The following ZFYVE26 variants were observed in gnomAD, a reference collection of about 807,000 sequenced individuals.
ZFYVE26 encodes the protein zinc finger FYVE-type containing 26.
Under a neutral mutation model 276.5 loss-of-function variants are expected in ZFYVE26, and 181 were observed. The observed-to-expected ratio is 0.65, with a 90% confidence interval of 0.58 to 0.74. ZFYVE26 has a LOEUF of 0.74. ZFYVE26 is among the 30% of genes least tolerant of loss of function. The pLI, the probability that ZFYVE26 is intolerant of heterozygous loss-of-function variation, is 0.00. For synonymous variants in ZFYVE26, 1,129 were observed against 1,203.1 expected (o/e 0.94, Z 1.27); for missense variants, 2,821 against 3,097.9 (o/e 0.91, Z 2.12).
At position 67,759,589 on chromosome 14, in the gene ZFYVE26, G is replaced by A. The variant is rs140338417; in HGVS notation, c.6588+1777C>T. On this transcript the variant is annotated intron_variant, in intron 35 of 41. Transcript: ENST00000347230. ...TAGTGAGCTGAGATCTCACCACCGC[G>A]CTCCAGCCTGGCAACAGAGCAAGAC... Among the ~76,000 whole-genome samples, 8 of 126,298 alleles carry A rather than the reference G, an allele frequency of 6.3e-5. No individual in the cohort carries two copies. The East Asian group carries it at 1.9e-3, about 30-fold the overall frequency. 82.9% of individuals were successfully genotyped at this position (126,298 alleles called of 152,430 possible).
At chr14:67,776,457 T>C (rs2039346639) in intron 25 of ZFYVE26, among the ~76,000 whole-genome samples, 1 of 152,210 alleles carries the variant, frequency 6.6e-6, no homozygotes, top group Non-Finnish European at 1.5e-5. Flanking sequence ...TGCACGTGTG[T>C]TCCAATAACA....
At chr14:67,744,063 T>C (rs980763389), downstream of ZFYVE26, among the ~76,000 whole-genome samples, 2 of 152,184 alleles carry the variant, frequency 1.3e-5, no homozygotes, top group South Asian at 2.1e-4. Context: ...ATTTCAAGGA[T>C]AGGTCAGTCA....
downstream of ZFYVE26, among the ~76,000 whole-genome samples, chr14:67,743,881 C>T (rs2038449539): frequency 6.6e-6 from 1 of 152,074 alleles, no homozygotes; most frequent in Non-Finnish European, 1.5e-5. Flanking sequence ...CGATGCAGGA[C>T]TGAGGGAAGA....
intron 31 of ZFYVE26, 56 bp downstream of exon 31, chr14:67,767,648 A>C: frequency 1.2e-6 from 2 of 1,612,800 alleles, no homozygotes; most frequent in Non-Finnish European, 1.7e-6. Context: ...ATTTCTTGTC[A>C]TACTGCTACA....
At chr14:67,733,902 G>T in intron 13 of ZFYVE26, 1 of 1,373,824 alleles carries the variant, frequency 7.3e-7, no homozygotes, top group South Asian at 1.2e-5. Context: ...AATGAACAGG[G>T]ACCAAGGAGA....
At chr14:67,777,514 C>T in intron 25 of ZFYVE26, 45 bp downstream of exon 25, 2 of 1,595,362 alleles carry the variant, frequency 1.3e-6, no homozygotes, top group Non-Finnish European at 1.7e-6. Context: ...TCCTCCTTAC[C>T]TTGGATCCCA....
rs532292359 is a variant in ZFYVE26, at chr14:67,805,466, C to T, written c.1170G>A (p.Leu390=). 2.2e-4 allele frequency: 355 copies of T among 1,614,222 alleles called. 6 individuals carry two copies. The South Asian group carries it at 3.7e-3, about 17-fold the overall frequency. The change falls in exon 7 of 42, where the codon CTG becomes CTA. Residue 390 remains leucine, a synonymous_variant. Coordinates refer to ENST00000347230, the MANE Select transcript of ZFYVE26 (RefSeq NM_015346.4). The part of the protein sequence containing the change: ...LESAKRLLQT[L]HRTQGPGCDE... Reference sequence around the variant, plus strand: ...GAGTGAGAGTTACCTGGGTCCTGTGCAGGGTCTGGAGCAGCCTCTTGGCTG... The same window carrying T: ...GAGTGAGAGTTACCTGGGTCCTGTGTAGGGTCTGGAGCAGCCTCTTGGCTG...
In ZFYVE26 at chr14:67,786,013, T is replaced by C; in HGVS notation, c.3149A>G (p.Glu1050Gly). ...CCGTGGAGGGCCTCCTCCCTTTTCT[T>C]CCACACTCTCTATGGAAAGCAAATG... ...SASQTKSESVEEKGGGPPRCS... is the reference protein window; with the variant it reads ...SASQTKSESVGEKGGGPPRCS... Residue 1050 changes from glutamate to glycine, a missense_variant, in exon 18 of 42, where the codon GAA becomes GGA. Glu to Gly is a moderately conservative substitution (Grantham distance 98). Coordinates refer to ENST00000347230, the MANE Select transcript of ZFYVE26 (RefSeq NM_015346.4). 6.2e-7 allele frequency: 1 copy of C among 1,614,122 alleles called. No homozygotes were observed. Among genetic ancestry groups the C allele is most frequent in the East Asian group, 2.2e-5 (1 of 44,874 alleles).
intron 9 of ZFYVE26, among the ~76,000 whole-genome samples, chr14:67,803,646 G>GC (rs2040121782): frequency 6.6e-6 from 1 of 151,626 alleles, no homozygotes; most frequent in South Asian, 2.1e-4. Flanking sequence ...CCCAGCCCAG[G>GC]CAAGTCTTTC....
intron 28 of ZFYVE26, among the ~76,000 whole-genome samples, chr14:67,771,690 C>T (rs1237658782): frequency 1.3e-5 from 2 of 152,240 alleles, no homozygotes; most frequent in South Asian, 2.1e-4. Context: ...CCCAGGCCCT[C>T]TGTCTCCTGA....
In ZFYVE26 at chr14:67,797,729, G is replaced by A. The variant is rs777373975; in HGVS notation, c.2275C>T (p.Pro759Ser). ...SEEQPSRRYQ[P>S]ATRHPSLRRG... ...CGGAGACTGGGGTGACGTGTGGCAG[G>A]CTGGTATCTTCGGGAAGGTTGCTCC... Residue 759 changes from proline (P) to serine (S), a missense_variant, in exon 12 of 42, where the codon CCT (proline) becomes TCT (serine). By Grantham distance (74) the Pro-to-Ser change is moderately conservative (BLOSUM62 -1). Coordinates refer to ENST00000347230, the MANE Select transcript of ZFYVE26 (RefSeq NM_015346.4). The A allele has an allele frequency of 1.2e-6, 2 of 1,614,156 alleles. No individual in the cohort carries two copies. Among genetic ancestry groups the A allele is most frequent in the Admixed American group, 1.7e-5 (1 of 60,028 alleles).
At chr14:67,750,809 A>C in intron 41 of ZFYVE26, 1 of 599,790 alleles carries the variant, frequency 1.7e-6, no homozygotes, top group Non-Finnish European at 3.0e-6. Context: ...GCAGCCTAGG[A>C]CATGTTTGTC....
chr14:67,794,094 C>CT, intron 13 of ZFYVE26, 77 bp downstream of exon 13: 2 of 1,492,874 alleles, frequency 1.3e-6, no homozygotes, highest in South Asian at 2.3e-5. Context: ...TCAATCCTGG[C>CT]TTTACACCAT....
chr14:67,733,714 C>A, intron 13 of ZFYVE26: 1 of 1,438,164 alleles, frequency 7.0e-7, no homozygotes, highest in Non-Finnish European at 9.8e-7. Flanking sequence ...AATTCTCATT[C>A]CTGGAATTTA....
rs758075428 is a variant in ZFYVE26 at position 67,785,246 on chromosome 14, C to A, written c.3336G>T (p.Val1112=). ...EPRTPPLSSL[V]EQAAQKAPEA... ...CTGGAGCTTTCTGGGCTGCCTGCTC[C>A]ACCAGGGAAGACAGTGGAGGAGTCC... Residue 1112 remains valine (V), a synonymous_variant, in exon 19 of 42, where the codon GTG becomes GTT. Coordinates refer to ENST00000347230, the MANE Select transcript of ZFYVE26 (RefSeq NM_015346.4). 1.2e-5 allele frequency: 20 copies of A among 1,611,950 alleles called. No individual in the cohort carries two copies. Among genetic ancestry groups the A allele is most frequent in the Non-Finnish European group, 1.7e-5 (20 of 1,178,938 alleles).
intron 14 of ZFYVE26, 43 bp from the exon 15 acceptor site, chr14:67,790,816 G>A: frequency 6.4e-7 from 1 of 1,551,718 alleles, no homozygotes; most frequent in Non-Finnish European, 8.9e-7. Context: ...TGGTCCCACT[G>A]ATTTAGGGAA....
rs1325826471 is a variant in ZFYVE26 at position 67,808,023 on chromosome 14, T to G, written c.364-103A>C. On this transcript the variant is annotated intron_variant, in intron 4 of 41. Coordinates refer to ENST00000347230, the MANE Select transcript of ZFYVE26 (RefSeq NM_015346.4). ...CTTTTTCAGTTTACTTATATAATAG[T>G]GGCGGTAACAAATACTTATGTCGTA... 2.2e-6 allele frequency: 3 copies of G among 1,366,092 alleles called. No homozygotes were observed. In the African/African-American group the frequency reaches 4.3e-5, roughly 20 times the overall value. The allele number at this position is 1,366,092 out of a possible 1,614,324, so 84.6% of individuals were successfully genotyped here. A position where few individuals can be genotyped will look rare whatever the true frequency, so the allele number is the denominator to read the frequency against.
chr14:67,774,921 A>G (rs1215064723), intron 27 of ZFYVE26, 95 bp downstream of exon 27: 1 of 736,932 alleles, frequency 1.4e-6, no homozygotes, highest in Non-Finnish European at 2.2e-6. Context: ...CTGGCAATGA[A>G]AAAAAGAAGC....
At chr14:67,736,971 C>A (rs557408722) in intron 13 of ZFYVE26, among the ~76,000 whole-genome samples, 1 of 152,076 alleles carries the variant, frequency 6.6e-6, no homozygotes, top group East Asian at 1.9e-4. Flanking sequence ...GGGCAGCTTC[C>A]AGGGAGGGGG....
Sources: gnomAD v4.1 joint callset for allele counts (sites outside exome capture counted in the v4.1 genomes callset) on GRCh38, gnomAD v4.1.1 for gene constraint, MANE v1.5 for transcripts, NCBI Gene and HGNC (gene_info 2026-07-23, HGNC 2026-07-21) for gene names.